Variants in SLC9A7 observed in about 807,000 individuals in gnomAD.
SLC9A7 encodes solute carrier family 9 member A7, also known as sodium/hydrogen exchanger 7.
SLC9A7 carries 19 observed loss-of-function variants against 52.6 expected under a neutral mutation model. The observed-to-expected ratio is 0.36, with a 90% CI of 0.25 to 0.53. SLC9A7 has a LOEUF of 0.53. Ranked by LOEUF, SLC9A7 falls within the 20% of genes least tolerant of loss-of-function variation. The pLI is 0.91. For missense variants in SLC9A7, 455 were observed against 597.9 expected, an observed-to-expected ratio of 0.76 and a Z score of 2.49; for synonymous variants, 226 against 252.1, an observed-to-expected ratio of 0.90 and a Z score of 0.98.
intron 1 of SLC9A7, among the ~76,000 whole-genome samples, chrX:46,700,063 C>T (rs1429250366): frequency 9.1e-6 from 1 of 109,351 alleles, no homozygotes; most frequent in East Asian, 2.8e-4. Context: ...CGTGATTGCA[C>T]CACCGCACTC....
At chrX:46,744,937 A>C (rs1307508465) in intron 1 of SLC9A7, among the ~76,000 whole-genome samples, 1 of 109,583 alleles carries the variant, frequency 9.1e-6, no homozygotes, top group Non-Finnish European at 1.9e-5. Context: ...ACTCAAGAAC[A>C]AGACAACTTT....
intron 1 of SLC9A7, among the ~76,000 whole-genome samples, chrX:46,719,665 T>C (rs1388836284): frequency 2.7e-5 from 3 of 111,565 alleles, no homozygotes; most frequent in Admixed American, 9.5e-5. Flanking sequence ...CTACTCTAGC[T>C]TAAGGTTTGA....
chrX:46,626,761 G>GCT (rs201082806), intron 14 of SLC9A7, among the ~76,000 whole-genome samples: 1 of 111,501 alleles, frequency 9.0e-6, no homozygotes, highest in African/African-American at 3.3e-5. Context: ...CTTCCCCCTT[G>GCT]CTCTCTCTCT....
chrX:46,636,624 T>C (rs1943324642), intron 12 of SLC9A7, among the ~76,000 whole-genome samples: 1 of 109,927 alleles, frequency 9.1e-6, no homozygotes, highest in East Asian at 2.8e-4. Context: ...GGTATAAAAA[T>C]TGGTTCTTGT....
At chrX:46,635,033 T>C (rs1419408697) in intron 13 of SLC9A7, among the ~76,000 whole-genome samples, 1 of 112,239 alleles carries the variant, frequency 8.9e-6, no homozygotes, top group Non-Finnish European at 1.9e-5. Context: ...AGAAACAAAC[T>C]GCATTAGAGG....
chrX:46,668,312 C>T (rs987338095), intron 5 of SLC9A7, among the ~76,000 whole-genome samples: 2 of 111,097 alleles, frequency 1.8e-5, no homozygotes, highest in African/African-American at 6.6e-5. Flanking sequence ...GAGTTTGAGA[C>T]CAGACTGACC....
intron 1 of SLC9A7, among the ~76,000 whole-genome samples, chrX:46,711,835 C>T (rs988737872): frequency 3.8e-5 from 4 of 105,186 alleles, no homozygotes; most frequent in African/African-American, 1.4e-4. Flanking sequence ...GCCCACGTGT[C>T]AGGCAAAGGG....
intron 16 of SLC9A7, among the ~76,000 whole-genome samples, chrX:46,610,112 A>C (rs994803190): frequency 8.9e-6 from 1 of 112,492 alleles, no homozygotes; most frequent in Non-Finnish European, 1.9e-5. Context: ...TGCTCCCTTG[A>C]ATTCTAGATG....
chrX:46,641,155 G>A (rs954265992), intron 12 of SLC9A7, among the ~76,000 whole-genome samples: 5 of 112,322 alleles, frequency 4.5e-5, no homozygotes, highest in Non-Finnish European at 7.5e-5. Flanking sequence ...GGGGTAAATG[G>A]TTAAATTAGT....
intron 1 of SLC9A7, among the ~76,000 whole-genome samples, chrX:46,707,562 G>A (rs1944623139): frequency 8.9e-6 from 1 of 112,157 alleles, no homozygotes; most frequent in Non-Finnish European, 1.9e-5. Context: ...GGCAAAATGT[G>A]GCCACAAAAC....
intron 1 of SLC9A7, among the ~76,000 whole-genome samples, chrX:46,735,941 G>T (rs935287767): frequency 3.1e-4 from 34 of 111,305 alleles, no homozygotes; most frequent in African/African-American, 1.1e-3. Flanking sequence ...GTTTTAAGCA[G>T]TTCAAATGTG....
chrX:46,696,791 CTGAGT>C (rs1602241574), intron 1 of SLC9A7, among the ~76,000 whole-genome samples: 1 of 112,214 alleles, frequency 8.9e-6, no homozygotes, highest in Non-Finnish European at 1.9e-5. Flanking sequence ...GGCATATTAA[CTGAGT>C]TAATACTGAC....
intron 3 of SLC9A7, among the ~76,000 whole-genome samples, chrX:46,676,953 T>C (rs947960291): frequency 1.8e-5 from 2 of 111,729 alleles, no homozygotes; most frequent in African/African-American, 6.5e-5. Context: ...GCATCATTAA[T>C]CATTCTGAGC....
At chrX:46,728,987 A>G (rs899131096) in intron 1 of SLC9A7, among the ~76,000 whole-genome samples, 5 of 112,558 alleles carry the variant, frequency 4.4e-5, no homozygotes, top group Non-Finnish European at 7.5e-5. Flanking sequence ...GAAGAAGGGC[A>G]TGTTCTGCAA....
chrX:46,654,377 C>A (rs1386779409), intron 7 of SLC9A7, among the ~76,000 whole-genome samples: 1 of 107,986 alleles, frequency 9.3e-6, no homozygotes, highest in African/African-American at 3.4e-5. Context: ...AGTGAGACTC[C>A]GTCAAAAAAA....
intron 14 of SLC9A7, among the ~76,000 whole-genome samples, chrX:46,629,040 A>T (rs1199310212): frequency 1.8e-5 from 2 of 112,314 alleles, no homozygotes. Flanking sequence ...TCCCCATATG[A>T]CAGCAATCTT....
intron 7 of SLC9A7, among the ~76,000 whole-genome samples, chrX:46,660,627 T>C (rs1943797624): frequency 9.0e-6 from 1 of 110,903 alleles, no homozygotes; most frequent in South Asian, 3.9e-4. Flanking sequence ...AAAATGCTCA[T>C]CATCACTGGC....
intron 12 of SLC9A7, 149 bp downstream of exon 12, chrX:46,643,086 TA>T: frequency 3.3e-5 from 16 of 482,127 alleles, no homozygotes; most frequent in South Asian, 6.4e-5. Context: ...CTTATTGTTT[TA>T]AAAAAAATTG....
intron 1 of SLC9A7, among the ~76,000 whole-genome samples, chrX:46,711,899 TACACACACACACACACACAC>T (rs57570264): frequency 1.1e-5 from 1 of 91,183 alleles, no homozygotes; most frequent in Non-Finnish European, 2.1e-5. Context: ...GCCTCTAAAT[TACACACACACACACACACAC>T]ACACACACAC....
Sources: allele counts gnomAD v4.1 joint callset (sites outside exome capture counted in the v4.1 genomes callset), GRCh38; gene constraint gnomAD v4.1.1; transcripts MANE v1.5; gene names NCBI Gene and HGNC (gene_info 2026-07-23, HGNC 2026-07-21).